The following ATP6V1E2 variants were observed in gnomAD, a reference collection of about 807,000 sequenced individuals.
ATP6V1E2 encodes V-type proton ATPase subunit E 2.
For synonymous variants in ATP6V1E2, 121 were observed against 104.2 expected (o/e 1.16, Z -0.98); for missense variants, 308 against 273.3 (o/e 1.13, Z -0.90).
At chr2:46,514,976 G>A (rs1276567971) in intron 4 of ATP6V1E2, among the ~76,000 whole-genome samples, 1 of 151,846 alleles carries the variant, frequency 6.6e-6, no homozygotes, top group Non-Finnish European at 1.5e-5. Flanking sequence ...AGAGTAAGAT[G>A]ATATATTCAA....
At chr2:46,524,167 C>T (rs776878497) in intron 4 of ATP6V1E2, among the ~76,000 whole-genome samples, 1 of 151,042 alleles carries the variant, frequency 6.6e-6, no homozygotes, top group Admixed American at 6.6e-5. Context: ...AAAATCATGT[C>T]GTCTGCAAAC....
intron 4 of ATP6V1E2, among the ~76,000 whole-genome samples, chr2:46,521,849 C>G (rs1231950199): frequency 6.6e-6 from 1 of 152,084 alleles, no homozygotes; most frequent in Non-Finnish European, 1.5e-5. Flanking sequence ...TGCCACCACA[C>G]CCGGCTAATT....
At chr2:46,525,291 T>C (rs1303659143) in intron 4 of ATP6V1E2, among the ~76,000 whole-genome samples, 1 of 149,204 alleles carries the variant, frequency 6.7e-6, no homozygotes, top group Non-Finnish European at 1.5e-5. Flanking sequence ...TGAAACCCCG[T>C]CTCTACTAAA....
intron 2 of ATP6V1E2, among the ~76,000 whole-genome samples, chr2:46,539,837 T>G (rs532287094): frequency 2.0e-5 from 3 of 152,210 alleles, no homozygotes; most frequent in Non-Finnish European, 2.9e-5. Context: ...AAATCCTTCC[T>G]CAACACACCT....
At chr2:46,523,569 G>T (rs1666746243) in intron 4 of ATP6V1E2, among the ~76,000 whole-genome samples, 1 of 151,904 alleles carries the variant, frequency 6.6e-6, no homozygotes, top group Non-Finnish European at 1.5e-5. Flanking sequence ...TATTTCTGAG[G>T]TCTCTGCTCC....
rs901281066 is a variant in ATP6V1E2, at chr2:46,535,909, T to C, written c.-198A>G. ...CAACTCTGTGTGAGTCTTGGGATGG[T>C]TTTCTGGCACTCTTGGTTCTGAAAC... On this transcript the variant is annotated 5_prime_UTR_variant, in exon 4 of 5. Coordinates refer to ENST00000522587, the MANE Select transcript of ATP6V1E2 (RefSeq NM_001318063.2). This position sits in a 1 kb window ranked among gnomAD's most constrained non-coding sequence, Gnocchi z 4.4. 2.6e-5 allele frequency: 4 copies of C among 152,242 alleles called. No individual in the cohort carries two copies. The highest frequency in any genetic ancestry group is 2.6e-4 in the Admixed American group (4 of 15,290). The allele number at this position is 152,242 out of a possible 1,614,324, so 9.4% of individuals were successfully genotyped here.
At chr2:46,527,456 C>T (rs567188539) in intron 4 of ATP6V1E2, among the ~76,000 whole-genome samples, 3 of 152,262 alleles carry the variant, frequency 2.0e-5, no homozygotes, top group African/African-American at 4.8e-5. Context: ...CTCCTGACCT[C>T]GTGATCTGCC....
chr2:46,538,480 C>T (rs1300309670), intron 2 of ATP6V1E2, among the ~76,000 whole-genome samples: 1 of 148,768 alleles, frequency 6.7e-6, no homozygotes, highest in Admixed American at 6.8e-5. Context: ...GAAAACTAAC[C>T]CCTACTCACT....
intron 2 of ATP6V1E2, among the ~76,000 whole-genome samples, chr2:46,539,805 A>G (rs888749774): frequency 2.6e-5 from 4 of 152,194 alleles, no homozygotes; most frequent in African/African-American, 9.7e-5. Flanking sequence ...CTTAAGCCCC[A>G]GGTCAATGAC....
At position 46,536,816 on chromosome 2, in the gene ATP6V1E2, C is replaced by T. The variant is rs562072005; in HGVS notation, c.-309-113G>A. The T allele has an allele frequency of 2.6e-5, 4 of 151,236 alleles. No homozygotes were observed. The Middle Eastern group carries it at 0.01, about 388-fold the overall frequency. 9.4% of individuals were successfully genotyped at this position (151,236 alleles called of 1,614,324 possible). A position where few individuals can be genotyped will look rare whatever the true frequency, so the allele number is the denominator to read the frequency against. ...TTTTTTTTTTTGAGACAGTGTCTTG[C>T]TCTGGCGCCCAGCCTGGAGTGCAGT... On this transcript the variant is annotated intron_variant, in intron 2 of 4. Transcript: ENST00000522587.
chr2:46,519,536 G>A (rs13023346), intron 4 of ATP6V1E2: 43,784 of 152,244 alleles, frequency 0.29, 7,167 homozygotes, highest in Non-Finnish European at 0.37. Flanking sequence ...CCACGGTGTC[G>A]GCGTGGACTC....
intron 4 of ATP6V1E2, among the ~76,000 whole-genome samples, chr2:46,527,496 C>T (rs1031390253): frequency 6.6e-6 from 1 of 152,192 alleles, no homozygotes; most frequent in Non-Finnish European, 1.5e-5. Flanking sequence ...GCTGGGATTA[C>T]AGGCGGGAGC....
At chr2:46,528,161 C>T (rs542043636) in intron 4 of ATP6V1E2, 1 of 152,352 alleles carries the variant, frequency 6.6e-6, no homozygotes, top group Admixed American at 6.5e-5. Flanking sequence ...TATATGTGCA[C>T]ACACACAAAC....
intron 4 of ATP6V1E2, among the ~76,000 whole-genome samples, chr2:46,517,118 T>A (rs532602459): frequency 6.6e-6 from 1 of 152,308 alleles, no homozygotes; most frequent in African/African-American, 2.4e-5. Context: ...AACAGTATGG[T>A]ACTGGCATAA....
intron 2 of ATP6V1E2, among the ~76,000 whole-genome samples, chr2:46,538,854 A>G (rs923476766): frequency 2.0e-5 from 3 of 152,170 alleles, no homozygotes; most frequent in African/African-American, 7.2e-5. Flanking sequence ...CTATAATCCC[A>G]GCTTCTTGGG....
intron 4 of ATP6V1E2, chr2:46,519,545 T>G (rs1666496613): frequency 6.6e-6 from 1 of 152,330 alleles, no homozygotes; most frequent in Admixed American, 6.5e-5. Flanking sequence ...CGGCGTGGAC[T>G]CTGCAGTCAG....
chr2:46,512,485 C>T lies in ATP6V1E2; in HGVS notation c.227G>A (p.Arg76Lys), dbSNP rs997399669. Residue 76 changes from arginine to lysine, a missense_variant, in exon 5 of 5, where the codon AGG becomes AAG. By Grantham distance (26) the Arg-to-Lys change is conservative (BLOSUM62 2). Transcript: ENST00000522587. ...QQKKILMSTM[R>K]NQARLKVLRA... The stretch of plus-strand genomic sequence containing the variant: ...CAGGACTTTCAGCCTCGCCTGATTC[C>T]TCATGGTGGACATCAGGATTTTCTT... The T allele has an allele frequency of 4.3e-6, 7 of 1,614,068 alleles. No individual in the cohort carries two copies. Among genetic ancestry groups the T allele is most frequent in the African/African-American group, 2.7e-5 (2 of 74,910 alleles).
chr2:46,537,178 T>G (rs1667488130), intron 2 of ATP6V1E2, among the ~76,000 whole-genome samples: 1 of 152,226 alleles, frequency 6.6e-6, no homozygotes, highest in South Asian at 2.1e-4. Flanking sequence ...GGTTGCCTCC[T>G]CAGCATGCAT....
chr2:46,512,640 A>G lies in ATP6V1E2; in HGVS notation c.72T>C (p.Asn24=). ...HMMAFIEQEA[N]EKAEEIDAKA... is the part of the protein sequence containing the mutation. ...TGGCATCGATTTCCTCTGCTTTCTC[A>G]TTGGCTTCCTGCTCAATGAAAGCCA... Residue 24 remains asparagine (N), a synonymous_variant, in exon 5 of 5, where the codon AAT becomes AAC. Coordinates refer to ENST00000522587, the MANE Select transcript of ATP6V1E2 (RefSeq NM_001318063.2). The G allele has an allele frequency of 1.9e-6, 3 of 1,614,104 alleles. No individual in the cohort carries two copies. Among genetic ancestry groups the G allele is most frequent in the Non-Finnish European group, 2.5e-6 (3 of 1,180,016 alleles).
Sources: allele counts gnomAD v4.1 joint callset (sites outside exome capture counted in the v4.1 genomes callset), GRCh38; gene constraint gnomAD v4.1.1; non-coding constraint Gnocchi (gnomAD v3.1); transcripts MANE v1.5; gene names NCBI Gene and HGNC (gene_info 2026-07-23, HGNC 2026-07-21).